The following INPP4B variants were observed in gnomAD, a reference collection of about 807,000 sequenced individuals.
The protein encoded by INPP4B is inositol polyphosphate-4-phosphatase type II B.
A neutral mutation model predicts 122.5 loss-of-function variants in INPP4B; 55 were observed. The ratio of observed to expected loss-of-function variants is 0.45; its 90% CI spans 0.36 to 0.56. The LOEUF is 0.56. Ranked by LOEUF, INPP4B falls within the 20% of genes least tolerant of loss-of-function variation. INPP4B has a pLI of 0.00. For synonymous variants in INPP4B, 403 were observed against 388.7 expected, an observed-to-expected ratio of 1.04 and a Z score of -0.43; for missense variants, 1,000 against 1,097.7, an observed-to-expected ratio of 0.91 and a Z score of 1.26.
intron 2 of INPP4B, among the ~76,000 whole-genome samples, chr4:142,692,914 T>TATGGATAGATAGATAG (rs139962549): frequency 6.1e-5 from 9 of 148,356 alleles, no homozygotes; most frequent in African/African-American, 2.3e-4. Flanking sequence ...GGCTAGTCTC[T>TATGGATAGATAGATAG]ATAGATAGAT....
rs148205862 is a variant in INPP4B at position 142,579,535 on chromosome 4, G to A, written c.-190-116809C>T. 3.3e-3 allele frequency among the ~76,000 whole-genome samples: 496 copies of A among 152,088 alleles called. 6 individuals are homozygous for A. The highest frequency in any genetic ancestry group is 0.018 in the East Asian group (93 of 5,152). On this transcript the variant is annotated intron_variant, in intron 2 of 25. Coordinates refer to ENST00000262992, the MANE Select transcript of INPP4B (RefSeq NM_001101669.3). ...TTAAATTGGTAGGCTTAGTAAAGCA[G>A]ATTGCCCTTTGTAATGTGAGTGGGC... is the stretch of plus-strand genomic sequence containing the variant.
intron 12 of INPP4B, among the ~76,000 whole-genome samples, chr4:142,224,314 T>C (rs981791536): frequency 2.6e-5 from 4 of 152,186 alleles, no homozygotes; most frequent in African/African-American, 9.6e-5. Context: ...ATGTTTTTGA[T>C]AAAGAATTCA....
At chr4:142,845,509 A>T (rs1044340452) in intron 1 of INPP4B, among the ~76,000 whole-genome samples, 1 of 152,098 alleles carries the variant, frequency 6.6e-6, no homozygotes, top group Non-Finnish European at 1.5e-5. Flanking sequence ...CTAACCTCTC[A>T]GCGAGACCTC....
chr4:142,324,442 A>G (rs1297348769), intron 7 of INPP4B, among the ~76,000 whole-genome samples: 1 of 152,092 alleles, frequency 6.6e-6, no homozygotes, highest in Non-Finnish European at 1.5e-5. Flanking sequence ...CTTCTTTAAC[A>G]TTATACCTGA....
intron 1 of INPP4B, among the ~76,000 whole-genome samples, chr4:142,806,742 A>T (rs1778776289): frequency 7.4e-6 from 1 of 135,292 alleles, no homozygotes; most frequent in Non-Finnish European, 1.6e-5. Context: ...AGACCCTGTT[A>T]AAAAAAAAGA....
Position 142,208,967 on chromosome 4 carries a change from T to C in INPP4B, c.896A>G (p.Asn299Ser). Residue 299 changes from asparagine (N) to serine (S), a missense_variant, in exon 13 of 26, where the codon AAT (asparagine) becomes AGT (serine). Physicochemically the swap from Asn to Ser is conservative, Grantham distance 46. Transcript: ENST00000262992. ...LSPHWDNLRK[N>S]VLTHCDQMVN... ...CATTTGATCACAGTGAGTAAGGACA[T>C]TTTTTCGCAGATTGTCCCAATGTGG... The C allele has an allele frequency of 3.1e-6, 5 of 1,605,876 alleles. No homozygotes were observed. In the South Asian group the frequency reaches 5.6e-5, roughly 18 times the overall value.
At chr4:142,219,772 A>C (rs1369497966) in intron 12 of INPP4B, among the ~76,000 whole-genome samples, 10 of 152,148 alleles carry the variant, frequency 6.6e-5, no homozygotes, top group Admixed American at 6.5e-4. Context: ...CCAGTTTCGT[A>C]GGTAGAAGGA....
At chr4:142,466,216 G>C (rs1817737202) in intron 2 of INPP4B, among the ~76,000 whole-genome samples, 1 of 152,186 alleles carries the variant, frequency 6.6e-6, no homozygotes, top group African/African-American at 2.4e-5. Context: ...CTGGTTAAAT[G>C]GTTGTGACGA....
intron 9 of INPP4B, among the ~76,000 whole-genome samples, chr4:142,288,220 T>A (rs1435255166): frequency 6.6e-6 from 1 of 152,252 alleles, no homozygotes; most frequent in Non-Finnish European, 1.5e-5. Flanking sequence ...TTGGTCATTA[T>A]TTCTTCTGCT....
chr4:142,034,134 T>C (rs909416429), intron 25 of INPP4B, among the ~76,000 whole-genome samples: 3 of 152,228 alleles, frequency 2.0e-5, no homozygotes, highest in African/African-American at 7.2e-5. Flanking sequence ...TGAGACTCTC[T>C]CTATATGTAC....
intron 5 of INPP4B, among the ~76,000 whole-genome samples, chr4:142,405,804 T>A (rs923511143): frequency 3.3e-5 from 5 of 151,970 alleles, no homozygotes; most frequent in Admixed American, 3.3e-4. Context: ...CCCACAGTAA[T>A]ACACACCAAC....
At chr4:142,760,415 G>A (rs568294423) in intron 1 of INPP4B, among the ~76,000 whole-genome samples, 1 of 152,106 alleles carries the variant, frequency 6.6e-6, no homozygotes, top group Admixed American at 6.6e-5. Context: ...ATCGTAAAAG[G>A]TTATTGTTTT....
intron 2 of INPP4B, among the ~76,000 whole-genome samples, chr4:142,604,842 A>G (rs928428080): frequency 6.6e-6 from 1 of 152,080 alleles, no homozygotes; most frequent in African/African-American, 2.4e-5. Flanking sequence ...CACCAATGTC[A>G]TTTTTCACAG....
At position 142,700,939 on chromosome 4, in the gene INPP4B, A is replaced by C. The variant is rs190079075; in HGVS notation, c.-191+24900T>G. 2.7e-4 allele frequency among the ~76,000 whole-genome samples: 41 copies of C among 152,326 alleles called. No homozygotes were observed. In the East Asian group the frequency reaches 7.9e-3, roughly 29 times the overall value. On this transcript the variant is annotated intron_variant, in intron 2 of 25. Coordinates refer to ENST00000262992, the MANE Select transcript of INPP4B (RefSeq NM_001101669.3). ...TATCTCAGAACACATTATGGTTAAGATCATGTATCAGTCAGGGCTATAGAT... is the reference window on the plus strand; with the variant it reads ...TATCTCAGAACACATTATGGTTAAGCTCATGTATCAGTCAGGGCTATAGAT...
At chr4:142,287,743 T>C (rs1754447665) in intron 9 of INPP4B, 1 of 152,200 alleles carries the variant, frequency 6.6e-6, no homozygotes, top group Non-Finnish European at 1.5e-5. Context: ...TTAATAAGAA[T>C]AGGGCCTTAA....
intron 5 of INPP4B, among the ~76,000 whole-genome samples, chr4:142,412,001 A>T (rs1804702639): frequency 6.6e-6 from 1 of 152,112 alleles, no homozygotes; most frequent in South Asian, 2.1e-4. Flanking sequence ...TGTGCAAAAG[A>T]CTTTTGCAGC....
At chr4:142,816,126 C>T (rs763540935) in intron 1 of INPP4B, among the ~76,000 whole-genome samples, 1 of 152,150 alleles carries the variant, frequency 6.6e-6, no homozygotes, top group Non-Finnish European at 1.5e-5. Context: ...CTCTTCCTAG[C>T]AGGCCCTCTT....
At chr4:142,307,875 C>T (rs1389570531) in intron 8 of INPP4B, among the ~76,000 whole-genome samples, 1 of 152,170 alleles carries the variant, frequency 6.6e-6, no homozygotes, top group Non-Finnish European at 1.5e-5. Flanking sequence ...ATTGATAAAG[C>T]TGGCTACACA....
At position 142,028,643 on chromosome 4, in the gene INPP4B, G is replaced by C; in HGVS notation, c.*139C>G. The C allele has an allele frequency of 1.3e-6, 1 of 796,220 alleles. No individual in the cohort carries two copies. Among genetic ancestry groups the C allele is most frequent in the Admixed American group, 2.9e-5 (1 of 34,860 alleles). 49.3% of individuals were successfully genotyped at this position (796,220 alleles called of 1,614,324 possible). A position where few individuals can be genotyped will look rare whatever the true frequency, so the allele number is the denominator to read the frequency against. On this transcript the variant is annotated 3_prime_UTR_variant, in exon 26 of 26. Transcript: ENST00000262992. ...AATATGCTGATGATGAATTGAAGTAGTTCCTAGATTTTGGGAAACATCTGT... is the reference window on the plus strand; with the variant it reads ...AATATGCTGATGATGAATTGAAGTACTTCCTAGATTTTGGGAAACATCTGT...
Sources: allele counts gnomAD v4.1 joint callset (sites outside exome capture counted in the v4.1 genomes callset), GRCh38; gene constraint gnomAD v4.1.1; transcripts MANE v1.5; gene names NCBI Gene and HGNC (gene_info 2026-07-23, HGNC 2026-07-21).